Variants in KDM4C observed in about 807,000 individuals in gnomAD.
KDM4C encodes lysine-specific demethylase 4C.
In KDM4C, 81 loss-of-function variants were observed where a neutral mutation model predicts 129.3. The ratio of observed to expected loss-of-function variants is 0.63; its 90% confidence interval spans 0.52 to 0.75. The LOEUF is 0.75. KDM4C is among the 30% of genes least tolerant of loss of function. KDM4C has a pLI of 0.00. For missense variants in KDM4C, 1,457 were observed against 1,304.0 expected, an observed-to-expected ratio of 1.12 and a Z score of -1.81; for synonymous variants, 573 against 456.1, an observed-to-expected ratio of 1.26 and a Z score of -3.26.
intron 17 of KDM4C, among the ~76,000 whole-genome samples, chr9:7,067,107 C>T (rs1373057755): frequency 1.3e-5 from 2 of 152,188 alleles, no homozygotes; most frequent in African/African-American, 4.8e-5. Flanking sequence ...GCAGTCCTAG[C>T]ACTGAATATA....
chr9:6,788,662 G>A (rs181593818), intron 1 of KDM4C, among the ~76,000 whole-genome samples: 11 of 152,294 alleles, frequency 7.2e-5, no homozygotes, highest in African/African-American at 2.4e-4. Flanking sequence ...CCAGGCTGGG[G>A]TGCCAGACTG....
intron 1 of KDM4C, among the ~76,000 whole-genome samples, chr9:6,785,810 C>G (rs954409655): frequency 3.9e-5 from 6 of 152,232 alleles, no homozygotes; most frequent in African/African-American, 1.2e-4. Context: ...AAGTCAATCC[C>G]TAACAATGCC....
intron 21 of KDM4C, among the ~76,000 whole-genome samples, chr9:7,171,283 A>C (rs1051357629): frequency 3.9e-5 from 6 of 152,214 alleles, no homozygotes; most frequent in Non-Finnish European, 4.4e-5. Flanking sequence ...GACAGCAAGC[A>C]AAGAAAAAAT....
At chr9:6,915,076 TA>T (rs1253828524) in intron 8 of KDM4C, among the ~76,000 whole-genome samples, 1 of 152,250 alleles carries the variant, frequency 6.6e-6, no homozygotes, top group South Asian at 2.1e-4. Flanking sequence ...ATTAACATGA[TA>T]AAACGTTCTA....
At chr9:6,945,990 G>A (rs961682274) in intron 8 of KDM4C, among the ~76,000 whole-genome samples, 2 of 152,130 alleles carry the variant, frequency 1.3e-5, no homozygotes, top group Non-Finnish European at 2.9e-5. Flanking sequence ...ATTCAAATGA[G>A]AATTCAGTTG....
chr9:7,061,215 T>C (rs1831616964), intron 17 of KDM4C, among the ~76,000 whole-genome samples: 1 of 152,186 alleles, frequency 6.6e-6, no homozygotes, highest in Non-Finnish European at 1.5e-5. Flanking sequence ...GGATAGGTAA[T>C]TGAGGGTTTA....
chr9:7,161,519 C>A (rs55768647), intron 19 of KDM4C, among the ~76,000 whole-genome samples: 5 of 152,126 alleles, frequency 3.3e-5, no homozygotes, highest in African/African-American at 4.8e-5. Context: ...TACTCAGAAA[C>A]CTTATTTGTA....
At chr9:6,725,217 A>G (rs770022376) in intron 1 of KDM4C, among the ~76,000 whole-genome samples, 2 of 152,016 alleles carry the variant, frequency 1.3e-5, no homozygotes, top group African/African-American at 2.4e-5. Flanking sequence ...ACCAGGTAGC[A>G]TGTTGCAGGG....
intron 12 of KDM4C, among the ~76,000 whole-genome samples, chr9:6,993,614 T>G (rs1355302861): frequency 5.3e-5 from 8 of 152,114 alleles, no homozygotes; most frequent in East Asian, 1.9e-4. Flanking sequence ...AAGGAGGATG[T>G]GTATGAAGTG....
chr9:6,865,964 A>G lies in KDM4C; in HGVS notation c.630-14048A>G, dbSNP rs919654063. 5.9e-5 allele frequency among the ~76,000 whole-genome samples: 9 copies of G among 152,228 alleles called. No homozygotes were observed. The East Asian group carries it at 9.7e-4, about 16-fold the overall frequency. On this transcript the variant is annotated intron_variant, in intron 5 of 21. Coordinates refer to ENST00000381309, the MANE Select transcript of KDM4C (RefSeq NM_015061.6). The stretch of plus-strand genomic sequence containing the variant: ...GAGACAGGGTTTCCCCGTGTTAGCC[A>G]GGATGGTCTCGATCTCCTGACCTTG...
At chr9:6,921,555 T>C (rs1821516645) in intron 8 of KDM4C, among the ~76,000 whole-genome samples, 1 of 152,202 alleles carries the variant, frequency 6.6e-6, no homozygotes, top group Admixed American at 6.5e-5. Flanking sequence ...CCACTATTAC[T>C]CTGGTCCAAC....
At chr9:7,056,044 C>T (rs755073603) in intron 17 of KDM4C, among the ~76,000 whole-genome samples, 1 of 152,116 alleles carries the variant, frequency 6.6e-6, no homozygotes, top group Non-Finnish European at 1.5e-5. Context: ...TATTCATAGG[C>T]TCAGGTATTT....
At chr9:6,996,803 G>GT (rs1271800991) in intron 12 of KDM4C, among the ~76,000 whole-genome samples, 14 of 152,092 alleles carry the variant, frequency 9.2e-5, no homozygotes, top group African/African-American at 3.4e-4. Flanking sequence ...GGTGATTTTA[G>GT]TTTTCTTTTT....
intron 17 of KDM4C, among the ~76,000 whole-genome samples, chr9:7,063,825 G>A (rs1344863102): frequency 2.0e-5 from 3 of 152,212 alleles, no homozygotes; most frequent in African/African-American, 7.2e-5. Flanking sequence ...AGAATGAACA[G>A]CATGCTCTGT....
At chr9:6,764,666 A>T (rs183496274) in intron 1 of KDM4C, among the ~76,000 whole-genome samples, 2 of 152,344 alleles carry the variant, frequency 1.3e-5, no homozygotes, top group Admixed American at 1.3e-4. Flanking sequence ...GGTATTTATG[A>T]ACTGCTACTG....
intron 4 of KDM4C, among the ~76,000 whole-genome samples, chr9:6,829,731 G>C (rs973830242): frequency 6.6e-6 from 1 of 152,206 alleles, no homozygotes; most frequent in African/African-American, 2.4e-5. Flanking sequence ...ATTGGTGTCT[G>C]TTGAGGCCTC....
upstream of KDM4C, chr9:6,757,903 G>T: frequency 1.0e-6 from 1 of 985,442 alleles, no homozygotes; most frequent in Non-Finnish European, 1.2e-6. Flanking sequence ...TAAGCTGTTT[G>T]TAAGCCCACG....
At chr9:6,801,795 A>C (rs1433528222) in intron 2 of KDM4C, among the ~76,000 whole-genome samples, 1 of 152,188 alleles carries the variant, frequency 6.6e-6, no homozygotes, top group African/African-American at 2.4e-5. Context: ...AGACTTGAAT[A>C]AGTACTTTAT....
At chr9:6,891,253 G>C (rs1473810840) in intron 7 of KDM4C, among the ~76,000 whole-genome samples, 1 of 152,096 alleles carries the variant, frequency 6.6e-6, no homozygotes, top group Non-Finnish European at 1.5e-5. Context: ...AATTGGAAAT[G>C]ACCAAATGTC....
Sources: allele counts gnomAD v4.1 joint callset (sites outside exome capture counted in the v4.1 genomes callset), GRCh38; gene constraint gnomAD v4.1.1; transcripts MANE v1.5; gene names NCBI Gene and HGNC (gene_info 2026-07-23, HGNC 2026-07-21).